TMPO: variants seen among roughly 807,000 people sequenced by gnomAD.
TMPO encodes thymopoietin, also known as LEM domain containing 4.
In TMPO, 22 loss-of-function variants were observed where a neutral mutation model predicts 45.4. The ratio of observed to expected loss-of-function variants is 0.48; its 90% CI spans 0.35 to 0.69. TMPO has a LOEUF of 0.69. Among genes scored for constraint, TMPO ranks in the 30% least tolerant of loss-of-function variants. The pLI is 0.01. For synonymous variants in TMPO, 241 were observed against 204.1 expected, an observed-to-expected ratio of 1.18 and a Z score of -1.54; for missense variants, 512 against 548.8, an observed-to-expected ratio of 0.93 and a Z score of 0.67.
At chr12:98,542,582 C>G (rs1035390774) in intron 4 of TMPO, among the ~76,000 whole-genome samples, 1 of 152,080 alleles carries the variant, frequency 6.6e-6, no homozygotes, top group Admixed American at 6.6e-5. Context: ...CTTACTCTGG[C>G]CAGGTGCAGT....
Position 98,547,975 on chromosome 12 carries a change from TGTA to T in TMPO, c.*121_*123del, listed in dbSNP as rs1878328421. The T allele has an allele frequency of 5.7e-6, 7 of 1,219,500 alleles. No homozygotes were observed. Among genetic ancestry groups the T allele is most frequent in the South Asian group, 2.7e-5 (2 of 73,424 alleles). The allele number at this position is 1,219,500 out of a possible 1,614,324, so 75.5% of individuals were successfully genotyped here. ...AATAATGTGATTTCGCCTCAATAAA[TGTA>T]GTATTTCATTGAAAAGCAAACAAAA... On this transcript the variant is annotated 3_prime_UTR_variant, in exon 9 of 9. Transcript: ENST00000556029.
intron 8 of TMPO, among the ~76,000 whole-genome samples, 185 bp downstream of exon 8, chr12:98,546,632 A>G (rs941943018): frequency 1.3e-5 from 2 of 152,188 alleles, no homozygotes; most frequent in African/African-American, 4.8e-5. Context: ...GCTTAAGCCC[A>G]GGAGTTCGAG....
chr12:98,533,169 G>GTGTGTGT, intron 3 of TMPO: 1 of 1,614,014 alleles, frequency 6.2e-7, no homozygotes, highest in South Asian at 1.1e-5. Context: ...GTGCCATGTT[G>GTGTGTGT]GTCTCTACTG....
In TMPO at chr12:98,544,272, G is replaced by A; in HGVS notation, c.706G>A (p.Gly236Arg). The change falls in exon 5 of 9, where the codon GGA (glycine) becomes AGA (arginine). Residue 236 changes from glycine to arginine, a missense_variant. Physicochemically the swap from Gly to Arg is moderately radical, Grantham distance 125. Around this residue, in one of 3 missense-constraint regions of TMPO, gnomAD observed 299 missense variants for 296.7 expected, o/e 1.01. Transcript: ENST00000556029. The part of the protein sequence containing the change: ...AGITETEWTS[G>R]SSKGGPLQAL... ...AATAACTGAGACTGAATGGACAAGT[G>A]GATCTTCAAAAGGCGGACCTCTGCA... 1.2e-6 allele frequency: 2 copies of A among 1,613,880 alleles called. No individual in the cohort carries two copies. Among genetic ancestry groups the A allele is most frequent in the Non-Finnish European group, 1.7e-6 (2 of 1,179,852 alleles).
At chr12:98,525,078 C>G (rs1158961292) in intron 1 of TMPO, among the ~76,000 whole-genome samples, 2 of 152,122 alleles carry the variant, frequency 1.3e-5, no homozygotes, top group African/African-American at 4.8e-5. Context: ...TCTGTACTAC[C>G]TGACTGCACT....
chr12:98,531,954 G>C, intron 3 of TMPO, 116 bp downstream of exon 3: 1 of 803,304 alleles, frequency 1.2e-6, no homozygotes, highest in Non-Finnish European at 2.0e-6. Context: ...AATTTTATTC[G>C]TGTCATTAGA....
At chr12:98,531,927 T>G (rs996921354) in intron 3 of TMPO, 89 bp downstream of exon 3, 1 of 1,100,800 alleles carries the variant, frequency 9.1e-7, no homozygotes, top group African/African-American at 1.6e-5. Context: ...TTTAAAACAA[T>G]ATTGGCAAGA....
At chr12:98,536,829 T>C (rs1022743654) in intron 3 of TMPO, among the ~76,000 whole-genome samples, 50 of 152,350 alleles carry the variant, frequency 3.3e-4, no homozygotes, top group African/African-American at 1.2e-3. Context: ...GAAATGTTAT[T>C]TTTATTATAA....
chr12:98,527,335 C>CAA lies in TMPO; in HGVS notation c.280-537_280-536dup, dbSNP rs374742173. On this transcript the variant is annotated intron_variant, in intron 1 of 8. Coordinates refer to ENST00000556029, the MANE Select transcript of TMPO (RefSeq NM_001032283.3). ...CAACATGGCAAAAACCCCATCTCTA[C>CAA]AAAAAAAAAAAAAAACAAAAAAAAA... Among the ~76,000 whole-genome samples the CAA allele has an allele frequency of 5.8e-3, 540 of 93,554 alleles. 5 individuals are homozygous for CAA. The highest frequency in any genetic ancestry group is 0.02 in the African/African-American group (507 of 24,904). 61.4% of individuals were successfully genotyped at this position (93,554 alleles called of 152,430 possible). A position where few individuals can be genotyped will look rare whatever the true frequency, so the allele number is the denominator to read the frequency against.
At position 98,515,655 on chromosome 12, in the gene TMPO, C is replaced by T. The variant is rs561199388; in HGVS notation, c.-213C>T. On this transcript the variant is annotated 5_prime_UTR_variant, in exon 1 of 9. Coordinates refer to ENST00000556029, the MANE Select transcript of TMPO (RefSeq NM_001032283.3). ...GGGTTGGTGCGAGCTTCCAGCTTGG[C>T]CGCAGTTGGTTCGTAGTTCGGCTCT... 1.2e-5 allele frequency: 12 copies of T among 982,034 alleles called. No individual in the cohort carries two copies. The highest frequency in any genetic ancestry group is 5.5e-5 in the Admixed American group (2 of 36,132). 60.8% of individuals were successfully genotyped at this position (982,034 alleles called of 1,614,324 possible). A position where few individuals can be genotyped will look rare whatever the true frequency, so the allele number is the denominator to read the frequency against.
chr12:98,517,823 T>C (rs1875988492), intron 1 of TMPO, among the ~76,000 whole-genome samples: 1 of 152,270 alleles, frequency 6.6e-6, no homozygotes. Context: ...TTACCCGTTA[T>C]GTTTCCCTGC....
rs372564327 is a variant in TMPO at position 98,520,272 on chromosome 12, CCCTTCCTT to C, written c.279+4156_279+4163del. 6.2e-3 allele frequency among the ~76,000 whole-genome samples: 670 copies of C among 107,290 alleles called. 7 individuals are homozygous for C. Among genetic ancestry groups the C allele is most frequent in the Admixed American group, 0.013 (138 of 11,014 alleles). 70.4% of individuals were successfully genotyped at this position (107,290 alleles called of 152,430 possible). Reference sequence around the variant, plus strand: ...ACCGCGCCCGGCCAACCATATTTTTCCCTTCCTTCCTTCCTTCCTTCCTTCCTTCCTTC... The same window carrying C: ...ACCGCGCCCGGCCAACCATATTTTTCCCTTCCTTCCTTCCTTCCTTCCTTC... On this transcript the variant is annotated intron_variant, in intron 1 of 8. Coordinates refer to ENST00000556029, the MANE Select transcript of TMPO (RefSeq NM_001032283.3).
intron 1 of TMPO, among the ~76,000 whole-genome samples, chr12:98,518,415 C>T (rs1007714733): frequency 5.3e-5 from 8 of 151,222 alleles, no homozygotes; most frequent in Admixed American, 5.3e-4. Context: ...CCTCAGCTTC[C>T]CTGAGTAGCA....
Position 98,518,460 on chromosome 12 carries a change from A to C in TMPO, c.279+2314A>C, listed in dbSNP as rs150515745. Among the ~76,000 whole-genome samples the C allele has an allele frequency of 7.2e-3, 820 of 113,920 alleles. 8 individuals carry two copies. Among genetic ancestry groups the C allele is most frequent in the African/African-American group, 0.028 (780 of 28,098 alleles). 74.7% of individuals were successfully genotyped at this position (113,920 alleles called of 152,430 possible). A position where few individuals can be genotyped will look rare whatever the true frequency, so the allele number is the denominator to read the frequency against. Reference sequence around the variant, plus strand: ...GGGCATGCACCGCTACACCCGGCTAATTTTCTAATCTTTTTTTTTTTTTTT... The same window carrying C: ...GGGCATGCACCGCTACACCCGGCTACTTTTCTAATCTTTTTTTTTTTTTTT... On this transcript the variant is annotated intron_variant, in intron 1 of 8. Transcript: ENST00000556029.
At chr12:98,539,789 T>C (rs1013447948) in intron 4 of TMPO, among the ~76,000 whole-genome samples, 1 of 152,242 alleles carries the variant, frequency 6.6e-6, no homozygotes, top group Non-Finnish European at 1.5e-5. Context: ...TTGCTTTTGA[T>C]TTTTTTTATT....
At chr12:98,542,501 T>C (rs75682831) in intron 4 of TMPO, among the ~76,000 whole-genome samples, 1,735 of 151,278 alleles carry the variant, frequency 0.011, 34 homozygotes, top group African/African-American at 0.04. Context: ...GCCACAAGGA[T>C]TGAGAATCTC....
At chr12:98,520,888 T>C (rs997067004) in intron 1 of TMPO, among the ~76,000 whole-genome samples, 11 of 151,956 alleles carry the variant, frequency 7.2e-5, no homozygotes, top group Non-Finnish European at 1.5e-4. Flanking sequence ...TCATATTTCT[T>C]AAAGAATATT....
intron 3 of TMPO, chr12:98,535,758 G>T (rs781285050): frequency 1.4e-5 from 10 of 693,846 alleles, no homozygotes; most frequent in Non-Finnish European, 1.8e-5. Context: ...ACATTTCAGT[G>T]GTATAATTGA....
intron 3 of TMPO, chr12:98,534,880 C>A: frequency 1.0e-6 from 1 of 985,768 alleles, no homozygotes. Context: ...TAGTCTAGAT[C>A]AATGCAACTC....
Sources: allele counts gnomAD v4.1 joint callset (sites outside exome capture counted in the v4.1 genomes callset), GRCh38; gene constraint gnomAD v4.1.1; regional missense constraint gnomAD v4.1.1; transcripts MANE v1.5; gene names NCBI Gene and HGNC (gene_info 2026-07-23, HGNC 2026-07-21).